KIF6: variants seen among roughly 807,000 people sequenced by gnomAD.
KIF6 encodes kinesin-like protein KIF6.
Under a neutral mutation model 112.7 loss-of-function variants are expected in KIF6, and 106 were observed. That is an observed-to-expected ratio of 0.94 (90% CI 0.80 to 1.11). KIF6 has a LOEUF of 1.11. Among genes scored for constraint, KIF6 ranks in the 50% least tolerant of loss-of-function variants. KIF6 has a pLI of 0.00. For synonymous variants in KIF6, 339 were observed against 339.9 expected (o/e 1.00, Z 0.03); for missense variants, 929 against 964.0 (o/e 0.96, Z 0.48).
chr6:39,590,673 A>T (rs1054121671), intron 7 of KIF6, among the ~76,000 whole-genome samples: 2 of 151,346 alleles, frequency 1.3e-5, no homozygotes, highest in African/African-American at 4.9e-5. Context: ...CTGATCTCAA[A>T]CCCCTGACCT....
chr6:39,716,905 C>T (rs1028184985), intron 2 of KIF6, among the ~76,000 whole-genome samples: 4 of 152,168 alleles, frequency 2.6e-5, no homozygotes, highest in African/African-American at 9.7e-5. Flanking sequence ...CTGCTTGACT[C>T]CTCTGTTTCT....
At chr6:39,630,903 T>C (rs1357414633) in intron 5 of KIF6, among the ~76,000 whole-genome samples, 2 of 152,036 alleles carry the variant, frequency 1.3e-5, no homozygotes, top group South Asian at 2.1e-4. Flanking sequence ...TTTGTCAAAT[T>C]TTTTTCTGCA....
rs1048320034 is a variant in KIF6, at chr6:39,542,686, T to A, written c.1426+1869A>T. 5.9e-5 allele frequency among the ~76,000 whole-genome samples: 9 copies of A among 152,174 alleles called. No individual in the cohort carries two copies. The South Asian group carries it at 1.9e-3, about 32-fold the overall frequency. On this transcript the variant is annotated intron_variant, in intron 12 of 22. Coordinates refer to ENST00000287152, the MANE Select transcript of KIF6 (RefSeq NM_145027.6). ...GAGAGGATTAAATCTTAGCTGCTAT[T>A]CTTCCTTCTTCTGAGATTGCTTATT...
intron 15 of KIF6, among the ~76,000 whole-genome samples, chr6:39,411,797 G>T (rs1769492500): frequency 6.6e-6 from 1 of 152,196 alleles, no homozygotes; most frequent in Non-Finnish European, 1.5e-5. Flanking sequence ...TCTTAGTTTT[G>T]ATTCCCTTTG....
Position 39,343,816 on chromosome 6 carries a change from C to A in KIF6, c.2322-1G>T. The A allele has an allele frequency of 6.3e-7, 1 of 1,577,064 alleles. No individual in the cohort carries two copies. The highest frequency in any genetic ancestry group is 8.6e-7 in the Non-Finnish European group (1 of 1,157,248). On this transcript the variant is annotated splice_acceptor_variant, in intron 21 of 22. Coordinates refer to ENST00000287152, the MANE Select transcript of KIF6 (RefSeq NM_145027.6). LOFTEE classifies it high-confidence loss of function. The surrounding 1 kb of genome is among the most constrained non-coding windows in gnomAD (Gnocchi z 4.1). Reference sequence around the variant, plus strand: ...GGACGACACTGGCCTCTTGGGGATGCTGGAGGCAACCACGTGTCACATTTT... The same window carrying A: ...GGACGACACTGGCCTCTTGGGGATGATGGAGGCAACCACGTGTCACATTTT...
At chr6:39,408,917 G>A (rs1421784463) in intron 15 of KIF6, among the ~76,000 whole-genome samples, 1 of 152,136 alleles carries the variant, frequency 6.6e-6, no homozygotes, top group African/African-American at 2.4e-5. Flanking sequence ...ACCTAGGAAG[G>A]AAGGCCTGTC....
At chr6:39,380,552 C>T (rs191403375) in intron 16 of KIF6, among the ~76,000 whole-genome samples, 106 of 152,150 alleles carry the variant, frequency 7.0e-4, no homozygotes, top group East Asian at 4.5e-3. Context: ...TGCACATGCA[C>T]GCGCACACAC....
At chr6:39,413,516 G>A (rs1769647574) in intron 15 of KIF6, among the ~76,000 whole-genome samples, 1 of 152,270 alleles carries the variant, frequency 6.6e-6, no homozygotes, top group East Asian at 1.9e-4. Context: ...ATAGGGATTG[G>A]TTCAGAGATG....
chr6:39,337,189 T>TTCTTTCTTTC (rs1763037082), intron 22 of KIF6, among the ~76,000 whole-genome samples: 1 of 97,084 alleles, frequency 1.0e-5, no homozygotes, highest in East Asian at 2.6e-4. Flanking sequence ...CTTTCTTTCT[T>TTCTTTCTTTC]TCTTTCTTTC....
At chr6:39,581,311 G>A (rs1781283591) in intron 9 of KIF6, among the ~76,000 whole-genome samples, 1 of 151,746 alleles carries the variant, frequency 6.6e-6, no homozygotes, top group African/African-American at 2.4e-5. Context: ...GGAATTACTA[G>A]TGCCTGCCAC....
At chr6:39,443,431 G>A (rs901135961) in intron 13 of KIF6, among the ~76,000 whole-genome samples, 2 of 152,024 alleles carry the variant, frequency 1.3e-5, no homozygotes, top group African/African-American at 4.8e-5. Context: ...TTATTTTCAT[G>A]TATTTAATTT....
intron 15 of KIF6, among the ~76,000 whole-genome samples, chr6:39,402,531 A>G (rs1371074944): frequency 1.3e-5 from 2 of 152,210 alleles, no homozygotes; most frequent in Non-Finnish European, 1.5e-5. Context: ...CACATTTAAG[A>G]AACCCATCAA....
intron 3 of KIF6, among the ~76,000 whole-genome samples, chr6:39,645,604 G>A (rs1446981776): frequency 6.6e-6 from 1 of 152,060 alleles, no homozygotes; most frequent in South Asian, 2.1e-4. Context: ...CAGGGATATT[G>A]GTCTAAAATT....
At chr6:39,525,288 C>T (rs1222731733) in intron 13 of KIF6, among the ~76,000 whole-genome samples, 1 of 152,136 alleles carries the variant, frequency 6.6e-6, no homozygotes, top group Non-Finnish European at 1.5e-5. Context: ...GGACCACAGG[C>T]ATGCACCATC....
intron 3 of KIF6, among the ~76,000 whole-genome samples, chr6:39,647,059 C>T (rs1318607554): frequency 6.6e-6 from 1 of 152,150 alleles, no homozygotes; most frequent in Non-Finnish European, 1.5e-5. Flanking sequence ...AATTCAGTAG[C>T]TTAAATTTTA....
intron 16 of KIF6, among the ~76,000 whole-genome samples, chr6:39,372,658 T>C (rs938256542): frequency 5.3e-5 from 8 of 152,218 alleles, no homozygotes; most frequent in African/African-American, 1.9e-4. Flanking sequence ...TTTTGAAATA[T>C]CTAAATAGTT....
At chr6:39,668,120 G>A (rs1040762124) in intron 3 of KIF6, among the ~76,000 whole-genome samples, 2 of 152,082 alleles carry the variant, frequency 1.3e-5, no homozygotes, top group Admixed American at 6.6e-5. Flanking sequence ...AGCAGATGCC[G>A]TCACCATACT....
At chr6:39,634,481 A>C (rs144973744) in intron 5 of KIF6, among the ~76,000 whole-genome samples, 144 of 152,216 alleles carry the variant, frequency 9.5e-4, no homozygotes, top group African/African-American at 3.3e-3. Flanking sequence ...CTCTAATTTG[A>C]ATACCTTCTT....
At chr6:39,661,356 A>C (rs1167916988) in intron 3 of KIF6, among the ~76,000 whole-genome samples, 3 of 152,228 alleles carry the variant, frequency 2.0e-5, no homozygotes, top group Non-Finnish European at 4.4e-5. Context: ...TTCTTTGTCA[A>C]AAACACATCA....
Sources: allele counts gnomAD v4.1 joint callset (sites outside exome capture counted in the v4.1 genomes callset), GRCh38; gene constraint gnomAD v4.1.1; non-coding constraint Gnocchi (gnomAD v3.1); transcripts MANE v1.5; gene names NCBI Gene and HGNC (gene_info 2026-07-23, HGNC 2026-07-21).